Variants in GHR observed in about 807,000 individuals in gnomAD.
The protein encoded by GHR is GH receptor.
In GHR, 35 loss-of-function variants were observed where a neutral mutation model predicts 67.1. The observed-to-expected ratio is 0.52, with a 90% confidence interval of 0.40 to 0.69. The LOEUF (loss-of-function observed/expected upper bound fraction) is 0.69, where lower values mean the gene tolerates loss of function less well. Among genes scored for constraint, GHR ranks in the 30% least tolerant of loss-of-function variants. The probability of loss-of-function intolerance (pLI) is 0.00; values close to 1 mark genes in which losing one functional copy is unlikely to be tolerated. For synonymous variants in GHR, 272 were observed against 269.1 expected (o/e 1.01, Z -0.10); for missense variants, 792 against 764.6 (o/e 1.04, Z -0.42).
At chr5:42,552,759 T>A (rs1370051188) in intron 1 of GHR, among the ~76,000 whole-genome samples, 1 of 152,028 alleles carries the variant, frequency 6.6e-6, no homozygotes, top group East Asian at 1.9e-4. Flanking sequence ...TTGACAACTG[T>A]GGAGTTGGAA....
chr5:42,444,058 T>C (rs1743707364), intron 1 of GHR, among the ~76,000 whole-genome samples: 1 of 152,066 alleles, frequency 6.6e-6, no homozygotes, highest in Admixed American at 6.6e-5. Context: ...TATATAATGG[T>C]TATATAATTA....
chr5:42,454,984 C>A (rs544719245), intron 1 of GHR, among the ~76,000 whole-genome samples: 1 of 152,150 alleles, frequency 6.6e-6, no homozygotes, highest in Non-Finnish European at 1.5e-5. Flanking sequence ...TGCTGGCTGC[C>A]TTCCCTGAGG....
Position 42,719,054 on chromosome 5 carries a change from T to C in GHR, c.1547T>C (p.Met516Thr). 6.2e-7 allele frequency: 1 copy of C among 1,610,310 alleles called. No individual in the cohort carries two copies. The highest frequency in any genetic ancestry group is 8.5e-7 in the Non-Finnish European group (1 of 1,177,184). Residue 516 changes from methionine (M) to threonine (T), a missense_variant, in exon 10 of 10, where the codon ATG (methionine) becomes ACG (threonine). Physicochemically the swap from Met to Thr is moderately conservative, Grantham distance 81. Transcript: ENST00000230882. ...KNKAGMSQCD[M>T]HPEMVSLCQE... ...AAGGCAGGGATGTCCCAATGTGACA[T>C]GCACCCGGAAATGGTCTCACTCTGC...
intron 1 of GHR, among the ~76,000 whole-genome samples, chr5:42,444,694 A>G (rs1029861949): frequency 6.6e-6 from 1 of 152,142 alleles, no homozygotes; most frequent in Admixed American, 6.5e-5. Context: ...TGCTCTCAAC[A>G]TATTCTATTT....
intron 1 of GHR, among the ~76,000 whole-genome samples, chr5:42,522,107 A>G (rs868751208): frequency 2.0e-5 from 3 of 152,184 alleles, no homozygotes; most frequent in Admixed American, 6.5e-5. Flanking sequence ...TGTATTGCAC[A>G]TAGGAAAACA....
At chr5:42,481,211 T>C (rs1024963766) in intron 1 of GHR, among the ~76,000 whole-genome samples, 2 of 152,336 alleles carry the variant, frequency 1.3e-5, no homozygotes, top group South Asian at 4.1e-4. Flanking sequence ...TGTTGAATAT[T>C]GGCCCCCACT....
Position 42,640,950 on chromosome 5 carries a change from G to A in GHR, c.136+11847G>A, listed in dbSNP as rs143232088. Among the ~76,000 whole-genome samples the A allele has an allele frequency of 2.1e-3, 318 of 152,192 alleles. 3 individuals are homozygous for A. The highest frequency in any genetic ancestry group is 7.2e-3 in the African/African-American group (299 of 41,492). ...AGCAGCAGGTAGGGCTGAGAGGCTCGCCATACTCCAAATTACCAGTGCCAG... is the reference window on the plus strand; with the variant it reads ...AGCAGCAGGTAGGGCTGAGAGGCTCACCATACTCCAAATTACCAGTGCCAG... On this transcript the variant is annotated intron_variant, in intron 3 of 9. Coordinates refer to ENST00000230882, the MANE Select transcript of GHR (RefSeq NM_000163.5).
chr5:42,505,926 A>G (rs1746754917), intron 1 of GHR, among the ~76,000 whole-genome samples: 1 of 152,232 alleles, frequency 6.6e-6, no homozygotes, highest in South Asian at 2.1e-4. Context: ...ATAAAGTGAA[A>G]GGAACAGAGG....
chr5:42,695,221 C>T (rs1488661737), intron 5 of GHR, 132 bp downstream of exon 5: 31 of 716,170 alleles, frequency 4.3e-5, no homozygotes, highest in South Asian at 3.3e-4. Context: ...ATCTGTTTTA[C>T]AGGAGATGGG....
At chr5:42,472,694 G>C (rs1015717158) in intron 1 of GHR, among the ~76,000 whole-genome samples, 1 of 152,188 alleles carries the variant, frequency 6.6e-6, no homozygotes, top group Non-Finnish European at 1.5e-5. Context: ...ATAAGGAAGA[G>C]TTTCTAGATA....
chr5:42,644,970 T>C (rs6888623), intron 3 of GHR, among the ~76,000 whole-genome samples: 5,690 of 152,280 alleles, frequency 0.037, 342 homozygotes, highest in African/African-American at 0.13. Flanking sequence ...CTCATTTCAT[T>C]ATATATGGAA....
Position 42,720,508 on chromosome 5 carries a change from T to C in GHR, c.*1084T>C, listed in dbSNP as rs1358700299. On this transcript the variant is annotated 3_prime_UTR_variant, in exon 10 of 10. Transcript: ENST00000230882. ...CTGTTCACACCCAACTTGGTTTTGC[T>C]ACATAATTATCCAGGAAGGGAATAA... The C allele has an allele frequency of 2.0e-4, 31 of 152,210 alleles. 1 individual carries two copies. The allele number at this position is 152,210 out of a possible 1,614,324, so 9.4% of individuals were successfully genotyped here.
At chr5:42,537,470 C>T (rs557945174) in intron 1 of GHR, among the ~76,000 whole-genome samples, 11 of 152,148 alleles carry the variant, frequency 7.2e-5, no homozygotes, top group South Asian at 2.1e-4. Flanking sequence ...ATGGTTTTGA[C>T]GGTTCCTTCT....
intron 3 of GHR, among the ~76,000 whole-genome samples, chr5:42,677,477 A>G (rs1756627087): frequency 6.6e-6 from 1 of 152,162 alleles, no homozygotes; most frequent in African/African-American, 2.4e-5. Flanking sequence ...TAACACTAAT[A>G]TGTAATAATA....
intron 7 of GHR, among the ~76,000 whole-genome samples, chr5:42,712,872 A>G (rs1758531781): frequency 6.6e-6 from 1 of 150,750 alleles, no homozygotes; most frequent in African/African-American, 2.4e-5. Context: ...TTATATTTTA[A>G]TAATTTAATT....
At chr5:42,671,357 C>T (rs2112902865) in intron 3 of GHR, among the ~76,000 whole-genome samples, 1 of 152,208 alleles carries the variant, frequency 6.6e-6, no homozygotes, top group South Asian at 2.1e-4. Context: ...TACTCACTCA[C>T]TACTGCAAGG....
intron 1 of GHR, chr5:42,467,824 G>C: frequency 7.9e-7 from 1 of 1,265,766 alleles, no homozygotes; most frequent in Non-Finnish European, 1.1e-6. Flanking sequence ...GCCCAAGCTG[G>C]GTTTTCGGAT....
At chr5:42,586,017 C>G (rs923294070) in intron 2 of GHR, among the ~76,000 whole-genome samples, 2 of 152,068 alleles carry the variant, frequency 1.3e-5, no homozygotes, top group African/African-American at 4.8e-5. Context: ...GTCTAACACA[C>G]AGAATTATTG....
At chr5:42,550,320 A>G (rs887956783) in intron 1 of GHR, among the ~76,000 whole-genome samples, 53 of 151,996 alleles carry the variant, frequency 3.5e-4, no homozygotes, top group African/African-American at 1.2e-3. Flanking sequence ...TGCAACCTTT[A>G]GACTAACACT....
Sources: gnomAD v4.1 joint callset for allele counts (sites outside exome capture counted in the v4.1 genomes callset) on GRCh38, gnomAD v4.1.1 for gene constraint, MANE v1.5 for transcripts, NCBI Gene and HGNC (gene_info 2026-07-23, HGNC 2026-07-21) for gene names.